The following CAPN7 variants were observed in gnomAD, a reference collection of about 807,000 sequenced individuals.
CAPN7 encodes the protein calpain 7.
Under a neutral mutation model 115.2 loss-of-function variants are expected in CAPN7, and 72 were observed. That is an observed-to-expected ratio of 0.63 (90% CI 0.52 to 0.76). CAPN7 has a LOEUF of 0.76. CAPN7 is among the 30% of genes least tolerant of loss of function. CAPN7 has a pLI of 0.00. For missense variants in CAPN7, 905 were observed against 971.5 expected (o/e 0.93, Z 0.91); for synonymous variants, 344 against 322.3 (o/e 1.07, Z -0.72).
Position 15,206,283 on chromosome 3 carries a change from G to C in CAPN7, c.-213G>C. ...GGCCGCGAAGTGGGGCGGCCGGGTG[G>C]GCTACAAGCCGGGTCTGGGCTGAGG... On this transcript the variant is annotated 5_prime_UTR_variant, in exon 1 of 21. Coordinates refer to ENST00000253693, the MANE Select transcript of CAPN7 (RefSeq NM_014296.3). 2.3e-6 allele frequency: 1 copy of C among 441,200 alleles called. No homozygotes were observed. Among genetic ancestry groups the C allele is most frequent in the South Asian group, 3.4e-5 (1 of 29,438 alleles). 27.3% of individuals were successfully genotyped at this position (441,200 alleles called of 1,614,324 possible).
intron 9 of CAPN7, among the ~76,000 whole-genome samples, chr3:15,231,222 C>T (rs567581682): frequency 5.5e-4 from 83 of 152,248 alleles, no homozygotes; most frequent in South Asian, 2.5e-3. Flanking sequence ...CACAGAATCA[C>T]CTGGCAGGTG....
chr3:15,209,350 T>G (rs2044811077), intron 1 of CAPN7, among the ~76,000 whole-genome samples: 1 of 152,198 alleles, frequency 6.6e-6, no homozygotes, highest in Non-Finnish European at 1.5e-5. Flanking sequence ...GTACATAGTT[T>G]CAGGGTACAT....
rs1203094851 is a variant in CAPN7 at position 15,206,532 on chromosome 3, T to G, written c.37T>G (p.Phe13Val). 6.4e-7 allele frequency: 1 copy of G among 1,556,040 alleles called. No individual in the cohort carries two copies. The highest frequency in any genetic ancestry group is 8.7e-7 in the Non-Finnish European group (1 of 1,150,364). ...AGCACTGGAGCGGGACGCTGTGCAG[T>G]TCGCCCGTCTGGCGGTTCAGCGCGA... Reference protein sequence around the residue: ...ATALERDAVQFARLAVQRDHE... With the variant: ...ATALERDAVQVARLAVQRDHE... The change falls in exon 1 of 21, where the codon TTC becomes GTC. Residue 13 changes from phenylalanine (F) to valine (V), a missense_variant. Physicochemically the swap from Phe to Val is conservative, Grantham distance 50. This residue lies in a region of CAPN7 where 271 missense variants were observed against 239.6 expected (regional missense o/e 1.13). Coordinates refer to ENST00000253693, the MANE Select transcript of CAPN7 (RefSeq NM_014296.3).
At chr3:15,216,920 T>G (rs1693638534) in intron 2 of CAPN7, among the ~76,000 whole-genome samples, 1 of 152,140 alleles carries the variant, frequency 6.6e-6, no homozygotes, top group Admixed American at 6.5e-5. Flanking sequence ...CAGATTTTTT[T>G]TCTTAGACCT....
intron 1 of CAPN7, chr3:15,210,737 T>C (rs1196890090): frequency 7.9e-7 from 1 of 1,262,132 alleles, no homozygotes; most frequent in African/African-American, 1.5e-5. Flanking sequence ...CTGGGACTAC[T>C]TTGTAGAGAC....
At chr3:15,232,040 C>A in intron 9 of CAPN7, 2 of 278,690 alleles carry the variant, frequency 7.2e-6, no homozygotes, top group Non-Finnish European at 1.4e-5. Flanking sequence ...GTTGAGTATC[C>A]CTTATCCGAA....
At chr3:15,229,276 T>G (rs1056203480) in intron 8 of CAPN7, among the ~76,000 whole-genome samples, 1 of 152,174 alleles carries the variant, frequency 6.6e-6, no homozygotes, top group South Asian at 2.1e-4. Context: ...ATTAATGTGT[T>G]TTGAAATAAA....
intron 2 of CAPN7, among the ~76,000 whole-genome samples, chr3:15,213,690 C>T (rs1189674537): frequency 6.6e-6 from 1 of 152,080 alleles, no homozygotes; most frequent in Non-Finnish European, 1.5e-5. Flanking sequence ...AAATATGAAT[C>T]ATTTTTTTCT....
intron 6 of CAPN7, among the ~76,000 whole-genome samples, chr3:15,225,945 G>C (rs929385755): frequency 2.0e-5 from 3 of 152,016 alleles, no homozygotes; most frequent in African/African-American, 7.3e-5. Context: ...CAGATCATCA[G>C]GAAAAGGCTC....
intron 12 of CAPN7, among the ~76,000 whole-genome samples, chr3:15,238,108 CTTTTTTTTT>C (rs34203410): frequency 1.7e-5 from 1 of 58,188 alleles, no homozygotes; most frequent in Non-Finnish European, 3.0e-5. Context: ...ATTCTGACTT[CTTTTTTTTT>C]TTTTTTTTTT....
At chr3:15,243,169 C>A (rs1200606150) in intron 16 of CAPN7, among the ~76,000 whole-genome samples, 1 of 152,138 alleles carries the variant, frequency 6.6e-6, no homozygotes, top group Non-Finnish European at 1.5e-5. Flanking sequence ...ACAGCAAGTA[C>A]AAGGACCTTA....
chr3:15,225,853 G>T (rs1024470459), intron 6 of CAPN7, among the ~76,000 whole-genome samples: 1 of 152,010 alleles, frequency 6.6e-6, no homozygotes, highest in Non-Finnish European at 1.5e-5. Flanking sequence ...AAGTGGCACG[G>T]TATTTTCTTA....
chr3:15,217,074 CAAA>C (rs11286121), intron 2 of CAPN7, among the ~76,000 whole-genome samples: 3 of 113,618 alleles, frequency 2.6e-5, no homozygotes, highest in African/African-American at 8.3e-5. Context: ...CCCATCTCTA[CAAA>C]AAAAAAAAAA....
intron 19 of CAPN7, 132 bp downstream of exon 19, chr3:15,247,589 A>G: frequency 1.7e-6 from 1 of 589,096 alleles, no homozygotes; most frequent in Non-Finnish European, 2.8e-6. Context: ...TAGTGGAGTG[A>G]GGAAAGGACA....
At chr3:15,240,351 A>G in intron 12 of CAPN7, 122 bp from the exon 13 acceptor site, 1 of 911,790 alleles carries the variant, frequency 1.1e-6, no homozygotes, top group South Asian at 1.6e-5. Flanking sequence ...AAAAATATTA[A>G]TTTCAAGTTG....
chr3:15,246,556 C>T, intron 17 of CAPN7, 176 bp from the exon 18 acceptor site: 1 of 578,090 alleles, frequency 1.7e-6, no homozygotes, highest in South Asian at 2.2e-5. Flanking sequence ...CAGAGAAAGC[C>T]AAGACCAGAC....
rs780595313 is a variant in CAPN7 at position 15,232,494 on chromosome 3, G to C, written c.1033-25G>C. On this transcript the variant is annotated intron_variant, in intron 9 of 20. Coordinates refer to ENST00000253693, the MANE Select transcript of CAPN7 (RefSeq NM_014296.3). ...ATTTTAAGATATTTTGTGCACCTAA[G>C]AAGGTTAATGTTCTCTTTCTCCAGG... 6 of 1,575,396 alleles carry C rather than the reference G, an allele frequency of 3.8e-6. No homozygotes were observed. In the Admixed American group the frequency reaches 1.1e-4, roughly 30 times the overall value.
rs568111321 is a variant in CAPN7, at chr3:15,245,445, A to G, written c.1865-81A>G. On this transcript the variant is annotated intron_variant, in intron 16 of 20. Coordinates refer to ENST00000253693, the MANE Select transcript of CAPN7 (RefSeq NM_014296.3). ...AATCAGTTAAGGAGATGTCCATCCA[A>G]GTAATTATTTTTCCTACATCAACCA... is the stretch of plus-strand genomic sequence containing the variant. 2.0e-4 allele frequency: 259 copies of G among 1,283,994 alleles called. 5 individuals are homozygous for G. The South Asian group carries it at 2.8e-3, about 14-fold the overall frequency. 79.5% of individuals were successfully genotyped at this position (1,283,994 alleles called of 1,614,324 possible). A position where few individuals can be genotyped will look rare whatever the true frequency, so the allele number is the denominator to read the frequency against.
At chr3:15,225,917 GT>G (rs1441118727) in intron 6 of CAPN7, among the ~76,000 whole-genome samples, 1 of 152,042 alleles carries the variant, frequency 6.6e-6, no homozygotes, top group Admixed American at 6.6e-5. Context: ...AACAGTAAAT[GT>G]TTTTAAGTTG....
Sources: gnomAD v4.1 joint callset for allele counts (sites outside exome capture counted in the v4.1 genomes callset) on GRCh38, gnomAD v4.1.1 for gene constraint, gnomAD v4.1.1 regional missense constraint, MANE v1.5 for transcripts, NCBI Gene and HGNC (gene_info 2026-07-23, HGNC 2026-07-21) for gene names.